Variants in WDR44 observed in about 807,000 individuals in gnomAD.
WDR44 encodes WD repeat domain 44.
A neutral mutation model predicts 65.7 loss-of-function variants in WDR44; 9 were observed. The observed-to-expected ratio is 0.14, with a 90% CI of 0.08 to 0.24. The LOEUF is 0.24. Ranked by LOEUF, WDR44 falls within the 10% of genes least tolerant of loss-of-function variation. The pLI is 1.00. For synonymous variants in WDR44, 220 were observed against 235.2 expected, an observed-to-expected ratio of 0.94 and a Z score of 0.59; for missense variants, 425 against 670.9, an observed-to-expected ratio of 0.63 and a Z score of 4.05.
intron 9 of WDR44, among the ~76,000 whole-genome samples, chrX:118,405,200 T>C (rs912232745): frequency 5.6e-4 from 62 of 109,835 alleles, no homozygotes; most frequent in African/African-American, 1.9e-3. Flanking sequence ...CACACCTGGC[T>C]AATTTTTGTA....
chrX:118,446,791 CT>C (rs1056826011), intron 19 of WDR44, among the ~76,000 whole-genome samples: 1 of 111,584 alleles, frequency 9.0e-6, no homozygotes, highest in Non-Finnish European at 1.9e-5. Flanking sequence ...TTTTCTTTTT[CT>C]TTCCTTCTCA....
In WDR44 at chrX:118,448,978, T is replaced by C. The variant is rs1302466386; in HGVS notation, c.2733T>C (p.Asn911=). The change falls in exon 20 of 20, where the codon AAT becomes AAC. Residue 911 remains asparagine (N), a synonymous_variant. Coordinates refer to ENST00000254029, the MANE Select transcript of WDR44 (RefSeq NM_019045.5). The part of the protein sequence containing the change: ...AIKVFVNKRK[N]VS Reference sequence around the variant, plus strand: ...AAGTGTTTGTTAATAAAAGAAAAAATGTATCTTAATTTGAAATGGCATTTA... The same window carrying C: ...AAGTGTTTGTTAATAAAAGAAAAAACGTATCTTAATTTGAAATGGCATTTA... 1.7e-6 allele frequency: 2 copies of C among 1,173,629 alleles called. No homozygotes were observed. The highest frequency in any genetic ancestry group is 3.8e-5 in the South Asian group (2 of 52,497).
intron 1 of WDR44, among the ~76,000 whole-genome samples, chrX:118,349,966 T>C (rs1451154107): frequency 4.5e-5 from 5 of 110,076 alleles, no homozygotes; most frequent in Non-Finnish European, 9.5e-5. Context: ...TTTTTTTTTT[T>C]TTCCTGTGGA....
intron 2 of WDR44, 48 bp downstream of exon 2, chrX:118,378,500 T>G: frequency 8.9e-7 from 1 of 1,122,910 alleles, no homozygotes; most frequent in Non-Finnish European, 1.2e-6. Context: ...TGTATACTTT[T>G]TATTCGTGTT....
chrX:118,432,920 T>C (rs2057224757), intron 13 of WDR44, 26 bp downstream of exon 13: 3 of 1,140,335 alleles, frequency 2.6e-6, no homozygotes, highest in South Asian at 1.8e-5. Flanking sequence ...TTGAATCATA[T>C]AGTAATTCTG....
intron 1 of WDR44, among the ~76,000 whole-genome samples, chrX:118,377,817 TC>T (rs2056675600): frequency 1.9e-5 from 2 of 106,293 alleles, no homozygotes; most frequent in African/African-American, 6.9e-5. Context: ...ATCCTTGAAT[TC>T]CTGGGCTAAA....
chrX:118,381,636 A>T (rs2056718624), intron 2 of WDR44, among the ~76,000 whole-genome samples: 1 of 100,103 alleles, frequency 1.0e-5, no homozygotes, highest in South Asian at 4.8e-4. Context: ...GCAGTGATGC[A>T]ATCTTGGCTC....
chrX:118,420,239 G>T (rs1162228327), intron 12 of WDR44, among the ~76,000 whole-genome samples: 6 of 111,403 alleles, frequency 5.4e-5, no homozygotes. Flanking sequence ...CTGTGCCATT[G>T]TGTGGTTTAA....
At chrX:118,446,401 A>T (rs1031970620) in intron 19 of WDR44, among the ~76,000 whole-genome samples, 7 of 111,654 alleles carry the variant, frequency 6.3e-5, no homozygotes, top group Admixed American at 4.8e-4. Context: ...GGCAACATAG[A>T]AGGACACCCA....
intron 1 of WDR44, among the ~76,000 whole-genome samples, chrX:118,363,430 GAAAAA>G (rs1325905766): frequency 9.5e-5 from 10 of 105,065 alleles, no homozygotes; most frequent in African/African-American, 3.4e-4. Flanking sequence ...GGAGAAAAAA[GAAAAA>G]AATAGAAAAA....
rs948986151 is a variant in WDR44 at position 118,422,623 on chromosome X, G to C, written c.1738-10158G>C. ...AGGAGAATTGCTTCAACCGGGAGGC[G>C]GAGGTTGCAGTGAGCCAAGATCGCA... On this transcript the variant is annotated intron_variant, in intron 12 of 19. Coordinates refer to ENST00000254029, the MANE Select transcript of WDR44 (RefSeq NM_019045.5). 1.8e-5 allele frequency among the ~76,000 whole-genome samples: 2 copies of C among 108,235 alleles called. 1 individual carries two copies. Among genetic ancestry groups the C allele is most frequent in the Non-Finnish European group, 3.8e-5 (2 of 52,279 alleles). The allele number at this position is 108,235 out of a possible 115,157, so 94.0% of individuals were successfully genotyped here. A position where few individuals can be genotyped will look rare whatever the true frequency, so the allele number is the denominator to read the frequency against.
chrX:118,439,825 G>A (rs768831706), intron 14 of WDR44, among the ~76,000 whole-genome samples: 20 of 108,340 alleles, frequency 1.8e-4, no homozygotes, highest in Non-Finnish European at 3.1e-4. Flanking sequence ...AAAAAAAGAA[G>A]AAGAAGAATC....
At chrX:118,425,875 C>T (rs909881409) in intron 12 of WDR44, among the ~76,000 whole-genome samples, 2 of 110,730 alleles carry the variant, frequency 1.8e-5, no homozygotes, top group Non-Finnish European at 3.8e-5. Context: ...GAGTTAGAGA[C>T]CTGCCTGGCC....
chrX:118,434,003 G>A (rs779060359), intron 13 of WDR44, among the ~76,000 whole-genome samples: 165 of 111,974 alleles, frequency 1.5e-3, no homozygotes, highest in African/African-American at 4.9e-3. Context: ...AGGGAGATAC[G>A]GGAGTTTAGG....
chrX:118,385,358 A>G (rs2056757151), intron 2 of WDR44, among the ~76,000 whole-genome samples: 1 of 112,105 alleles, frequency 8.9e-6, no homozygotes, highest in Non-Finnish European at 1.9e-5. Flanking sequence ...TTGCAGGGCC[A>G]TGGATGGAGC....
At chrX:118,400,985 CAAAGGACATGAACTCATCATTTTGT>C in intron 8 of WDR44, among the ~76,000 whole-genome samples, 1 of 84,338 alleles carries the variant, frequency 1.2e-5, no homozygotes, top group Middle Eastern at 5.4e-3. Context: ...CATGTCCCTA[CAAAGGACATGAACTCATCATTTTGT>C]ATGGCTGCAT....
intron 12 of WDR44, among the ~76,000 whole-genome samples, chrX:118,415,427 A>G (rs1294814820): frequency 9.0e-6 from 1 of 111,517 alleles, no homozygotes; most frequent in African/African-American, 3.3e-5. Flanking sequence ...CTCTTTTTCT[A>G]TCTTGTGGAA....
At chrX:118,448,349 C>A (rs979410333) in intron 19 of WDR44, among the ~76,000 whole-genome samples, 2 of 112,156 alleles carry the variant, frequency 1.8e-5, no homozygotes, top group Non-Finnish European at 3.8e-5. Flanking sequence ...TTATGCCATT[C>A]AGCATAGTTA....
intron 12 of WDR44, among the ~76,000 whole-genome samples, chrX:118,413,307 C>G (rs997151007): frequency 3.6e-5 from 4 of 112,306 alleles, no homozygotes; most frequent in Non-Finnish European, 7.5e-5. Flanking sequence ...TACATTCCCA[C>G]TAGCAGTGTA....
Sources: allele counts gnomAD v4.1 joint callset (sites outside exome capture counted in the v4.1 genomes callset), GRCh38; gene constraint gnomAD v4.1.1; transcripts MANE v1.5; gene names NCBI Gene and HGNC (gene_info 2026-07-23, HGNC 2026-07-21).